WASHC2C: variants seen among roughly 807,000 people sequenced by gnomAD.
The protein encoded by WASHC2C is Vaccinia Penetration Factor.
A neutral mutation model predicts 142.2 loss-of-function variants in WASHC2C; 73 were observed. The observed-to-expected ratio is 0.51, with a 90% CI of 0.43 to 0.62. The LOEUF is 0.62. Among genes scored for constraint, WASHC2C ranks in the 20% least tolerant of loss-of-function variants. The pLI, the probability that WASHC2C is intolerant of heterozygous loss-of-function variation, is 0.00. For synonymous variants in WASHC2C, 337 were observed against 565.5 expected (o/e 0.60, Z 5.73); for missense variants, 969 against 1,531.7 (o/e 0.63, Z 6.13).
intron 11 of WASHC2C, among the ~76,000 whole-genome samples, chr10:45,752,347 T>C (rs1439161158): frequency 6.6e-5 from 10 of 152,308 alleles, no homozygotes; most frequent in Non-Finnish European, 1.0e-4. Flanking sequence ...GCCTAGAGAA[T>C]GAATGCTGTG....
intron 23 of WASHC2C, among the ~76,000 whole-genome samples, chr10:45,784,315 C>CAT (rs2057861307): frequency 2.2e-5 from 1 of 45,568 alleles, no homozygotes; most frequent in African/African-American, 8.0e-5. Flanking sequence ...TATATATACA[C>CAT]ACACATATAT....
chr10:45,789,512 T>G, intron 29 of WASHC2C, 21 bp downstream of exon 29: 1 of 1,611,964 alleles, frequency 6.2e-7, no homozygotes, highest in South Asian at 1.1e-5. Flanking sequence ...TTAACACGTT[T>G]TTGTGTCTGT....
Position 45,734,874 on chromosome 10 carries a change from G to A in WASHC2C, c.292-3109G>A, listed in dbSNP as rs1226368928. ...TAGCTGGCTAGGACCACAGGTGTTC[G>A]CCACCATGCCTGGCCAACTTTTTAT... On this transcript the variant is annotated intron_variant, in intron 3 of 30. Coordinates refer to ENST00000623400, the MANE Select transcript of WASHC2C (RefSeq NM_001330074.2). 4.5e-3 allele frequency among the ~76,000 whole-genome samples: 679 copies of A among 151,496 alleles called. 5 individuals are homozygous for A. Among genetic ancestry groups the A allele is most frequent in the African/African-American group, 0.016 (650 of 41,332 alleles).
At chr10:45,761,324 C>T (rs149997897) in intron 17 of WASHC2C, among the ~76,000 whole-genome samples, 4,669 of 148,744 alleles carry the variant, frequency 0.031, 92 homozygotes, top group Non-Finnish European at 0.049. Flanking sequence ...GAGGCCATGT[C>T]GCCTTCTGTG....
chr10:45,729,020 A>G lies in WASHC2C; in HGVS notation c.285A>G (p.Ile95Met). Residue 95 changes from isoleucine (I) to methionine (M), a missense_variant, in exon 3 of 31, where the codon ATA (isoleucine) becomes ATG (methionine). Coordinates refer to ENST00000623400, the MANE Select transcript of WASHC2C (RefSeq NM_001330074.2). ...TTATGCTCTCTAATACCCAGTTCAT[A>G]GAGAATGTGAGTTATTTAGTTATAT... ...DFLMLSNTQF[I>M]ENRVYDEEVE... 6.2e-7 allele frequency: 1 copy of G among 1,611,048 alleles called. No homozygotes were observed. The highest frequency in any genetic ancestry group is 8.5e-7 in the Non-Finnish European group (1 of 1,179,088).
At chr10:45,749,367 G>A (rs1288517097) in intron 8 of WASHC2C, among the ~76,000 whole-genome samples, 3 of 150,850 alleles carry the variant, frequency 2.0e-5, no homozygotes, top group South Asian at 2.1e-4. Flanking sequence ...CCTAGGAGGC[G>A]GAGGTTGCAG....
rs144981048 is a variant in WASHC2C, at chr10:45,750,997, G to A, written c.931+159G>A. On this transcript the variant is annotated intron_variant, in intron 10 of 30. Transcript: ENST00000623400. ...AAATTGTAGCGCTTATTCCTTTTTT[G>A]GTTAATGGGCTCCTTTAGATAACTG... Among the ~76,000 whole-genome samples, 547 of 151,864 alleles carry A rather than the reference G, an allele frequency of 3.6e-3. 13 individuals carry two copies. In the East Asian group the frequency reaches 0.049, roughly 14 times the overall value.
Position 45,754,522 on chromosome 10 carries a change from C to G in WASHC2C, c.1217C>G (p.Ala406Gly), listed in dbSNP as rs1291068009. Residue 406 changes from alanine (A) to glycine (G), a missense_variant, in exon 14 of 31, where the codon GCA becomes GGA. Ala to Gly is a moderately conservative substitution (Grantham distance 60). Transcript: ENST00000623400. Reference protein sequence around the residue: ...SSSKPGKKIPAGAVSVFLGDT... With the variant: ...SSSKPGKKIPGGAVSVFLGDT... ...TCCAAACCTGGAAAGAAAATCCCAGCAGGAGCTGTTTCTGTATTTTTAGGT... is the reference window on the plus strand; with the variant it reads ...TCCAAACCTGGAAAGAAAATCCCAGGAGGAGCTGTTTCTGTATTTTTAGGT... The G allele has an allele frequency of 8.1e-6, 13 of 1,602,822 alleles. No homozygotes were observed. Among genetic ancestry groups the G allele is most frequent in the Non-Finnish European group, 1.1e-5 (13 of 1,174,766 alleles).
intron 25 of WASHC2C, 122 bp downstream of exon 25, chr10:45,785,023 T>C: frequency 1.2e-6 from 2 of 1,604,008 alleles, no homozygotes; most frequent in South Asian, 1.1e-5. Context: ...GCTAAATGAA[T>C]GGCAAATAAC....
chr10:45,738,787 C>A (rs1369774694), intron 4 of WASHC2C, among the ~76,000 whole-genome samples: 1 of 152,200 alleles, frequency 6.6e-6, no homozygotes, highest in East Asian at 1.9e-4. Context: ...TCACTGCAAC[C>A]TCTGCCTCCT....
At chr10:45,748,961 T>A (rs2053195453) in intron 8 of WASHC2C, among the ~76,000 whole-genome samples, 1 of 152,178 alleles carries the variant, frequency 6.6e-6, no homozygotes. Flanking sequence ...GCTGTAGTGT[T>A]TGCAGAGGGG....
At chr10:45,753,894 T>C (rs1418954491) in intron 13 of WASHC2C, among the ~76,000 whole-genome samples, 4 of 151,674 alleles carry the variant, frequency 2.6e-5, no homozygotes, top group Non-Finnish European at 5.9e-5. Flanking sequence ...TTCTTGGGAC[T>C]TGGGAATTAG....
At chr10:45,752,207 C>T (rs1216735825) in intron 11 of WASHC2C, among the ~76,000 whole-genome samples, 6 of 152,248 alleles carry the variant, frequency 3.9e-5, no homozygotes, top group African/African-American at 1.4e-4. Flanking sequence ...TTAGACTTGT[C>T]CCTGTGTCAG....
chr10:45,761,068 A>G (rs1404661361), intron 17 of WASHC2C, among the ~76,000 whole-genome samples: 1 of 151,960 alleles, frequency 6.6e-6, no homozygotes, highest in Admixed American at 6.6e-5. Flanking sequence ...TAACACCCAT[A>G]GTTTTGTTGT....
chr10:45,765,364 G>T (rs1176226030), intron 18 of WASHC2C, among the ~76,000 whole-genome samples: 3 of 151,106 alleles, frequency 2.0e-5, no homozygotes, highest in Non-Finnish European at 4.4e-5. Flanking sequence ...GAAATGAGCA[G>T]AGAGGCACTT....
At position 45,789,414 on chromosome 10, in the gene WASHC2C, G is replaced by A. The variant is rs1312372372; in HGVS notation, c.3631G>A (p.Asp1211Asn). The change falls in exon 29 of 31, where the codon GAT (aspartate) becomes AAT (asparagine). Residue 1211 changes from aspartate (D) to asparagine (N), a missense_variant. By Grantham distance (23) the Asp-to-Asn change is conservative (BLOSUM62 1). Coordinates refer to ENST00000623400, the MANE Select transcript of WASHC2C (RefSeq NM_001330074.2). ...LLEDEDDLFT[D>N]QKVKKNETKS... ...GGAAGATGAGGATGACCTCTTTACA[G>A]ATCAGAAAGTCAAGAAGAATGAGAC... The A allele has an allele frequency of 1.0e-4, 169 of 1,612,034 alleles. No individual in the cohort carries two copies. In the East Asian group the frequency reaches 3.3e-3, roughly 32 times the overall value.
At chr10:45,791,974 G>T (rs1304661211) in intron 30 of WASHC2C, among the ~76,000 whole-genome samples, 1 of 145,648 alleles carries the variant, frequency 6.9e-6, no homozygotes, top group East Asian at 1.9e-4. Context: ...GGCGTGGGCT[G>T]GTTTGGAGAT....
At chr10:45,736,471 A>C (rs1313470273) in intron 3 of WASHC2C, among the ~76,000 whole-genome samples, 83 of 145,520 alleles carry the variant, frequency 5.7e-4, no homozygotes, top group South Asian at 9.0e-4. Flanking sequence ...GTGGTGGTGC[A>C]CGCCTGTAAT....
At chr10:45,772,045 G>A (rs1176828663) in intron 20 of WASHC2C, among the ~76,000 whole-genome samples, 3 of 152,338 alleles carry the variant, frequency 2.0e-5, no homozygotes, top group African/African-American at 4.8e-5. Context: ...ATAACCATAC[G>A]ATAGACTGTT....
Sources: allele counts gnomAD v4.1 joint callset (sites outside exome capture counted in the v4.1 genomes callset), GRCh38; gene constraint gnomAD v4.1.1; transcripts MANE v1.5; gene names NCBI Gene and HGNC (gene_info 2026-07-23, HGNC 2026-07-21).